The following COL21A1 variants were observed in gnomAD, a reference collection of about 807,000 sequenced individuals.
The protein encoded by COL21A1 is collagen type XXI alpha 1 chain, also known as collagen alpha-1(XXI) chain.
A neutral mutation model predicts 137.9 loss-of-function variants in COL21A1; 149 were observed. That is an observed-to-expected ratio of 1.08 (90% CI 0.95 to 1.24). The LOEUF (loss-of-function observed/expected upper bound fraction) is 1.24. Among genes scored for constraint, COL21A1 ranks in the 50% most tolerant of loss-of-function variants. The pLI is 0.00. For missense variants in COL21A1, 1,167 were observed against 1,158.4 expected (o/e 1.01, Z -0.11); for synonymous variants, 456 against 391.5 (o/e 1.16, Z -1.95).
At chr6:56,070,845 CATAATAT>C in intron 20 of COL21A1, 47 bp from the exon 21 acceptor site, 2 of 1,364,704 alleles carry the variant, frequency 1.5e-6, no homozygotes, top group Non-Finnish European at 2.0e-6. Context: ...ACAATTCTGT[CATAATAT>C]ATCTGATATA....
intron 17 of COL21A1, among the ~76,000 whole-genome samples, chr6:56,101,082 G>A (rs147668522): frequency 5.3e-4 from 80 of 152,280 alleles, no homozygotes; most frequent in African/African-American, 1.8e-3. Flanking sequence ...TTCAGATTCA[G>A]TACTTTCTTA....
intron 1 of COL21A1, among the ~76,000 whole-genome samples, chr6:56,320,926 T>A (rs955325532): frequency 4.6e-5 from 7 of 152,174 alleles, no homozygotes; most frequent in African/African-American, 1.4e-4. Flanking sequence ...GTGACTTTTG[T>A]CTGCTTTACT....
At chr6:56,305,911 C>T (rs1205218261) in intron 1 of COL21A1, among the ~76,000 whole-genome samples, 1 of 151,674 alleles carries the variant, frequency 6.6e-6, no homozygotes, top group East Asian at 1.9e-4. Flanking sequence ...CCTTCAGGAG[C>T]TCTTTTAGTG....
At chr6:56,188,010 C>T (rs1778410325) in intron 1 of COL21A1, among the ~76,000 whole-genome samples, 1 of 152,072 alleles carries the variant, frequency 6.6e-6, no homozygotes, top group South Asian at 2.1e-4. Context: ...AAAGAAGATA[C>T]AGAAATGGCC....
intron 20 of COL21A1, among the ~76,000 whole-genome samples, chr6:56,071,148 C>CTCA (rs1452777133): frequency 1.3e-5 from 2 of 151,520 alleles, no homozygotes; most frequent in East Asian, 3.9e-4. Context: ...GGCTGAGATC[C>CTCA]TCATCATTAT....
At chr6:56,124,956 C>T (rs1457649704) in intron 14 of COL21A1, among the ~76,000 whole-genome samples, 1 of 138,004 alleles carries the variant, frequency 7.2e-6, no homozygotes, top group Non-Finnish European at 1.6e-5. Flanking sequence ...TCAGTGGACA[C>T]GGTTTTTAAG....
chr6:56,334,341 T>C (rs1168354401), intron 1 of COL21A1, among the ~76,000 whole-genome samples: 1 of 152,064 alleles, frequency 6.6e-6, no homozygotes, highest in Non-Finnish European at 1.5e-5. Context: ...AGTACAATAA[T>C]GATACTACCT....
At chr6:56,256,584 A>G (rs1202305056) in intron 1 of COL21A1, among the ~76,000 whole-genome samples, 1 of 152,220 alleles carries the variant, frequency 6.6e-6, no homozygotes, top group Admixed American at 6.5e-5. Flanking sequence ...ATAAGAAGAG[A>G]TTCAAAGCTG....
intron 1 of COL21A1, among the ~76,000 whole-genome samples, chr6:56,236,194 C>T (rs1781885138): frequency 6.6e-6 from 1 of 151,902 alleles, no homozygotes; most frequent in Non-Finnish European, 1.5e-5. Context: ...TATGATGTTC[C>T]ACTTGGGGCA....
At chr6:56,186,919 A>T (rs1778345086) in intron 1 of COL21A1, among the ~76,000 whole-genome samples, 2 of 152,200 alleles carry the variant, frequency 1.3e-5, no homozygotes, top group African/African-American at 4.8e-5. Context: ...AAACAGATAT[A>T]AAATGCAAAT....
intron 17 of COL21A1, among the ~76,000 whole-genome samples, chr6:56,078,425 A>T (rs1258780249): frequency 6.6e-6 from 1 of 151,604 alleles, no homozygotes; most frequent in Non-Finnish European, 1.5e-5. Flanking sequence ...ATATTTATAC[A>T]AATGTATTGA....
upstream of COL21A1, among the ~76,000 whole-genome samples, chr6:56,250,029 C>G (rs1417145423): frequency 6.6e-6 from 1 of 152,164 alleles, no homozygotes; most frequent in Non-Finnish European, 1.5e-5. Context: ...TTTGTCATGG[C>G]TCTCTAGAGA....
intron 1 of COL21A1, among the ~76,000 whole-genome samples, chr6:56,277,024 GT>G (rs1362792245): frequency 2.6e-5 from 4 of 151,654 alleles, no homozygotes; most frequent in Non-Finnish European, 5.9e-5. Context: ...TTTTCACAGT[GT>G]TAGCCAGGAT....
chr6:56,344,168 C>T, intron 1 of COL21A1, among the ~76,000 whole-genome samples: 1 of 152,134 alleles, frequency 6.6e-6, no homozygotes, highest in East Asian at 1.9e-4. Context: ...CCTATAATCG[C>T]TAACATAAAG....
intron 12 of COL21A1, among the ~76,000 whole-genome samples, chr6:56,132,339 C>A (rs1218936134): frequency 6.6e-6 from 1 of 151,862 alleles, no homozygotes. Flanking sequence ...ATAGCAATTT[C>A]TAAAAAATTG....
intron 1 of COL21A1, among the ~76,000 whole-genome samples, chr6:56,183,728 T>A (rs4715585): frequency 0.66 from 100,511 of 151,970 alleles, 33,590 homozygotes; most frequent in East Asian, 0.86. Context: ...AGATCCAAAG[T>A]TTATCTAAAT....
At chr6:56,164,711 G>A in intron 8 of COL21A1, 103 bp downstream of exon 8, 1 of 939,200 alleles carries the variant, frequency 1.1e-6, no homozygotes, top group South Asian at 1.8e-5. Context: ...CATAAAAATG[G>A]GTTCCATTTG....
At chr6:56,125,643 T>A in intron 13 of COL21A1, 23 bp from the exon 14 acceptor site, 1 of 1,434,782 alleles carries the variant, frequency 7.0e-7, no homozygotes, top group South Asian at 1.4e-5. Flanking sequence ...ATATAAATAG[T>A]GAATATTTAA....
At chr6:56,292,944 A>G (rs1764086020) in intron 1 of COL21A1, among the ~76,000 whole-genome samples, 1 of 152,230 alleles carries the variant, frequency 6.6e-6, no homozygotes, top group Non-Finnish European at 1.5e-5. Flanking sequence ...GTATGTGTTA[A>G]TATAAAGTAT....
Sources: allele counts gnomAD v4.1 joint callset (sites outside exome capture counted in the v4.1 genomes callset), GRCh38; gene constraint gnomAD v4.1.1; transcripts MANE v1.5; gene names NCBI Gene and HGNC (gene_info 2026-07-23, HGNC 2026-07-21).